GRK1: variants seen among roughly 807,000 people sequenced by gnomAD.
The protein encoded by GRK1 is rhodopsin kinase GRK1.
Under a neutral mutation model 41.7 loss-of-function variants are expected in GRK1, and 28 were observed. That is an observed-to-expected ratio of 0.67 (90% CI 0.50 to 0.92). The LOEUF (loss-of-function observed/expected upper bound fraction) is 0.92. Among genes scored for constraint, GRK1 ranks in the 40% least tolerant of loss-of-function variants. The pLI is 0.00. For missense variants in GRK1, 703 were observed against 671.2 expected, an observed-to-expected ratio of 1.05 and a Z score of -0.52; for synonymous variants, 327 against 286.7, an observed-to-expected ratio of 1.14 and a Z score of -1.42.
At chr13:113,728,470 TGAG>T (rs1173187864) in intron 4 of GRK1, among the ~76,000 whole-genome samples, 1 of 149,250 alleles carries the variant, frequency 6.7e-6, no homozygotes, top group Non-Finnish European at 1.5e-5. Flanking sequence ...CCCATGGTGA[TGAG>T]GAGTACCCAT....
At chr13:113,670,909 C>T (rs1441291171) in intron 2 of GRK1, among the ~76,000 whole-genome samples, 1 of 151,702 alleles carries the variant, frequency 6.6e-6, no homozygotes, top group South Asian at 2.1e-4. Flanking sequence ...CAGGGAGGGC[C>T]TGGTGGCTCT....
At chr13:113,669,944 C>A in intron 2 of GRK1, 130 bp downstream of exon 2, 1 of 1,062,920 alleles carries the variant, frequency 9.4e-7, no homozygotes, top group South Asian at 1.6e-5. Flanking sequence ...AGCCTTGCAC[C>A]CATCACAATC....
At chr13:113,668,723 G>T (rs886958056) in intron 1 of GRK1, among the ~76,000 whole-genome samples, 2 of 152,232 alleles carry the variant, frequency 1.3e-5, no homozygotes, top group Non-Finnish European at 2.9e-5. Flanking sequence ...AGGGTGAGGG[G>T]CAGCGGCTGT....
chr13:113,669,609 G>T, intron 1 of GRK1, 78 bp from the exon 2 acceptor site: 1 of 1,562,938 alleles, frequency 6.4e-7, no homozygotes, highest in South Asian at 1.1e-5. Flanking sequence ...GGGCGTGGCC[G>T]GGTGCACACG....
chr13:113,724,849 G>C (rs2049881216), intron 4 of GRK1, among the ~76,000 whole-genome samples: 1 of 152,246 alleles, frequency 6.6e-6, no homozygotes, highest in African/African-American at 2.4e-5. Flanking sequence ...GCCAAGCCTG[G>C]GTGTGAGCGC....
At chr13:113,657,233 T>C in the GRK1 span, among the ~76,000 whole-genome samples, 3 of 152,148 alleles carry the variant, frequency 2.0e-5, no homozygotes, top group South Asian at 6.2e-4. Context: ...ACCGTGGGAA[T>C]TGAGGAGGGC....
chr13:113,652,816 T>G, the GRK1 span: 2 of 1,584,722 alleles, frequency 1.3e-6, no homozygotes, highest in Non-Finnish European at 1.7e-6. Context: ...TGGGTGTGGG[T>G]GAGAGGCCCT....
chr13:113,733,788 T>C (rs1210242222), intron 6 of GRK1, among the ~76,000 whole-genome samples: 4 of 132,014 alleles, frequency 3.0e-5, no homozygotes, highest in Admixed American at 1.4e-4. Context: ...CGTGTGTGCA[T>C]GTGTGTATGT....
chr13:113,731,405 G>A lies in GRK1; in HGVS notation c.1194+62G>A, dbSNP rs1311420175. 7.8e-6 allele frequency: 12 copies of A among 1,530,340 alleles called. No homozygotes were observed. The highest frequency in any genetic ancestry group is 2.5e-5 in the East Asian group (1 of 40,814). 94.8% of individuals were successfully genotyped at this position (1,530,340 alleles called of 1,614,324 possible). A position where few individuals can be genotyped will look rare whatever the true frequency, so the allele number is the denominator to read the frequency against. ...TGGCGCCCTGGCTCTCGATGGGGAC[G>A]GGGCAGTGATGGGATCGTTACTGGG... On this transcript the variant is annotated intron_variant, in intron 5 of 6. Coordinates refer to ENST00000335678, the MANE Select transcript of GRK1 (RefSeq NM_002929.3). This position sits in a 1 kb window ranked among gnomAD's most constrained non-coding sequence, Gnocchi z 5.6.
chr13:113,734,427 G>A (rs149035411), intron 6 of GRK1: 2,143 of 152,550 alleles, frequency 0.014, 36 homozygotes, highest in African/African-American at 0.025. Flanking sequence ...TCAAAGTGAG[G>A]CTGAGGAGGA....
chr13:113,733,396 T>C (rs1441221497), intron 6 of GRK1, among the ~76,000 whole-genome samples: 1 of 152,234 alleles, frequency 6.6e-6, no homozygotes, highest in Non-Finnish European at 1.5e-5. Flanking sequence ...CAAGATCAAA[T>C]GGAGGCCAGT....
chr13:113,727,313 G>A (rs2049895454), intron 4 of GRK1, among the ~76,000 whole-genome samples: 1 of 152,242 alleles, frequency 6.6e-6, no homozygotes, highest in Admixed American at 6.5e-5. Flanking sequence ...AGCACTCAGG[G>A]AGGCAGCCCA....
upstream of GRK1, among the ~76,000 whole-genome samples, chr13:113,665,585 G>C (rs1310535537): frequency 6.9e-6 from 1 of 145,494 alleles, no homozygotes; most frequent in Non-Finnish European, 1.5e-5. Flanking sequence ...GTGTGTCTCA[G>C]ATGTGCCCCA....
chr13:113,737,730 C>T lies in GRK1; in HGVS notation c.*2367C>T, dbSNP rs2050014917. On this transcript the variant is annotated 3_prime_UTR_variant, in exon 7 of 7. Transcript: ENST00000335678. ...GACTGCAAAATAAACCTCCCGGCCT[C>T]CTCCTGTCCTGGCTCTGAGCGTCTG... is the stretch of plus-strand genomic sequence containing the variant. 6.6e-6 allele frequency: 1 copy of T among 152,642 alleles called. No homozygotes were observed. The highest frequency in any genetic ancestry group is 2.4e-5 in the African/African-American group (1 of 41,472). The allele number at this position is 152,642 out of a possible 1,614,324, so 9.5% of individuals were successfully genotyped here. A position where few individuals can be genotyped will look rare whatever the true frequency, so the allele number is the denominator to read the frequency against.
At chr13:113,653,159 C>G in the GRK1 span, 1 of 1,489,494 alleles carries the variant, frequency 6.7e-7, no homozygotes, top group Non-Finnish European at 9.1e-7. Flanking sequence ...GCCCTGAGTG[C>G]GAGTTTCTCA....
Position 113,667,239 on chromosome 13 carries a change from G to A in GRK1, c.-148G>A, listed in dbSNP as rs905478073. ...TTCCCAGTGGTCCCCAGGAACCCTCGACAGGGCCAGGGCGTCTCTCTCGTC... is the reference window on the plus strand; with the variant it reads ...TTCCCAGTGGTCCCCAGGAACCCTCAACAGGGCCAGGGCGTCTCTCTCGTC... On this transcript the variant is annotated 5_prime_UTR_variant, in exon 1 of 7. Coordinates refer to ENST00000335678, the MANE Select transcript of GRK1 (RefSeq NM_002929.3). This position sits in a 1 kb window ranked among gnomAD's most constrained non-coding sequence, Gnocchi z 7.5. The A allele has an allele frequency of 1.0e-5, 8 of 794,640 alleles. No individual in the cohort carries two copies. The highest frequency in any genetic ancestry group is 3.5e-5 in the African/African-American group (2 of 57,426). The allele number at this position is 794,640 out of a possible 1,614,324, so 49.2% of individuals were successfully genotyped here. A position where few individuals can be genotyped will look rare whatever the true frequency, so the allele number is the denominator to read the frequency against.
chr13:113,733,808 TGCATAC>T (rs1431048844), intron 6 of GRK1, among the ~76,000 whole-genome samples: 1 of 115,690 alleles, frequency 8.6e-6, no homozygotes, highest in African/African-American at 3.1e-5. Context: ...TGTATCTGTG[TGCATAC>T]GTGTGTGCGT....
upstream of GRK1, among the ~76,000 whole-genome samples, chr13:113,665,140 C>T (rs1023449496): frequency 6.6e-6 from 1 of 152,218 alleles, no homozygotes; most frequent in Non-Finnish European, 1.5e-5. Flanking sequence ...CAGTCTCCAC[C>T]TCTCTATGCT....
At chr13:113,659,374 T>A in the GRK1 span, among the ~76,000 whole-genome samples, 1 of 152,208 alleles carries the variant, frequency 6.6e-6, no homozygotes, top group African/African-American at 2.4e-5. Context: ...CAGAATTACA[T>A]GCAGAGTTTC....
Sources: gnomAD v4.1 joint callset for allele counts (sites outside exome capture counted in the v4.1 genomes callset) on GRCh38, gnomAD v4.1.1 for gene constraint, Gnocchi (gnomAD v3.1) non-coding constraint, MANE v1.5 for transcripts, NCBI Gene and HGNC (gene_info 2026-07-23, HGNC 2026-07-21) for gene names.